Variants in XIRP2 observed in about 807,000 individuals in gnomAD.
The protein encoded by XIRP2 is xin actin-binding repeat-containing protein 2.
In XIRP2, 236 loss-of-function variants were observed where a neutral mutation model predicts 277.0. The ratio of observed to expected loss-of-function variants is 0.85; its 90% CI spans 0.77 to 0.95. The LOEUF (loss-of-function observed/expected upper bound fraction) is 0.95, where lower values mean the gene tolerates loss of function less well. Ranked by LOEUF, XIRP2 falls within the 40% of genes least tolerant of loss-of-function variation. The pLI, the probability that XIRP2 is intolerant of heterozygous loss-of-function variation, is 0.00. For missense variants in XIRP2, 4,640 were observed against 4,157.5 expected, an observed-to-expected ratio of 1.12 and a Z score of -3.19; for synonymous variants, 1,490 against 1,416.5, an observed-to-expected ratio of 1.05 and a Z score of -1.17.
intron 5 of XIRP2, among the ~76,000 whole-genome samples, chr2:167,227,056 T>G (rs552566959): frequency 2.8e-4 from 42 of 152,234 alleles, no homozygotes; most frequent in African/African-American, 9.4e-4. Context: ...TGTACAGCAA[T>G]GACTATGACA....
intron 2 of XIRP2, among the ~76,000 whole-genome samples, chr2:167,034,841 A>G (rs1313971127): frequency 1.3e-5 from 2 of 152,292 alleles, no homozygotes; most frequent in Admixed American, 1.3e-4. Context: ...CTGTGTCCCC[A>G]CCCAAATCTC....
intron 2 of XIRP2, among the ~76,000 whole-genome samples, chr2:167,058,030 T>C (rs77708103): frequency 0.013 from 903 of 69,988 alleles, 5 homozygotes; most frequent in Middle Eastern, 0.042. Context: ...AATTATTTTA[T>C]TTTATTTTAT....
At chr2:166,940,233 C>T (rs77880595) in intron 2 of XIRP2, among the ~76,000 whole-genome samples, 2 of 152,274 alleles carry the variant, frequency 1.3e-5, no homozygotes, top group African/African-American at 2.4e-5. Context: ...TCCAGTTGAT[C>T]GAATCAGCTA....
At chr2:167,112,615 CTCTA>C in intron 2 of XIRP2, among the ~76,000 whole-genome samples, 1 of 147,888 alleles carries the variant, frequency 6.8e-6, no homozygotes, top group South Asian at 2.1e-4. Flanking sequence ...AAATCTCTCT[CTCTA>C]TATATTTTTA....
intron 5 of XIRP2, among the ~76,000 whole-genome samples, chr2:167,236,131 GT>G (rs1307997651): frequency 1.3e-5 from 2 of 151,486 alleles, no homozygotes; most frequent in Non-Finnish European, 3.0e-5. Flanking sequence ...ATGAACTTCC[GT>G]TTTTTCCACT....
intron 2 of XIRP2, among the ~76,000 whole-genome samples, chr2:167,036,959 C>T (rs1036644484): frequency 1.3e-5 from 2 of 152,152 alleles, no homozygotes; most frequent in African/African-American, 2.4e-5. Context: ...GTAAGAAGTG[C>T]CTTTCACCCT....
chr2:167,148,390 AAAG>A (rs1346954033), intron 3 of XIRP2, among the ~76,000 whole-genome samples: 1 of 146,232 alleles, frequency 6.8e-6, no homozygotes, highest in African/African-American at 2.5e-5. Context: ...AGAAAGAAGA[AAAG>A]AAAGAAAGAA....
intron 3 of XIRP2, among the ~76,000 whole-genome samples, chr2:167,174,008 C>A (rs929130184): frequency 2.0e-5 from 3 of 152,092 alleles, no homozygotes; most frequent in Non-Finnish European, 4.4e-5. Context: ...CTGCTGGATT[C>A]GGTTTGCCAG....
intron 2 of XIRP2, among the ~76,000 whole-genome samples, chr2:166,951,620 A>T (rs1397724696): frequency 1.3e-5 from 2 of 152,012 alleles, no homozygotes; most frequent in Non-Finnish European, 2.9e-5. Context: ...TCATGCATTG[A>T]ATATTTTTTT....
chr2:167,154,426 G>T (rs1359178222), intron 3 of XIRP2, among the ~76,000 whole-genome samples: 4 of 150,832 alleles, frequency 2.7e-5, no homozygotes, highest in Middle Eastern at 3.4e-3. Context: ...GATCCCATTT[G>T]TCAATTTTGT....
chr2:167,085,124 G>A (rs1414822344), intron 2 of XIRP2, among the ~76,000 whole-genome samples: 1 of 149,220 alleles, frequency 6.7e-6, no homozygotes, highest in Non-Finnish European at 1.5e-5. Context: ...ATGTGTCCCA[G>A]AGATTCTGGT....
rs567888010 is a variant in XIRP2 at position 167,244,749 on chromosome 2, T to A, written c.3357T>A (p.Ile1119=). The change falls in exon 9 of 11, where the codon ATT becomes ATA. Residue 1119 remains isoleucine (I), a synonymous_variant. Coordinates refer to ENST00000409195, the MANE Select transcript of XIRP2 (RefSeq NM_152381.6). ...KVSLMTSSEE[I]HKGDVKTCTW... The stretch of plus-strand genomic sequence containing the variant: ...CGTTAATGACCAGCAGTGAAGAAAT[T>A]CATAAGGGAGATGTCAAAACTTGTA... 6.2e-7 allele frequency: 1 copy of A among 1,613,196 alleles called. No individual in the cohort carries two copies. The highest frequency in any genetic ancestry group is 1.1e-5 in the South Asian group (1 of 90,894).
intron 2 of XIRP2, among the ~76,000 whole-genome samples, chr2:167,017,362 C>T (rs1347078377): frequency 1.3e-5 from 2 of 151,892 alleles, no homozygotes; most frequent in African/African-American, 4.8e-5. Flanking sequence ...CCAAGAAGGT[C>T]CAAGTAGATC....
chr2:166,958,397 G>A (rs949545536), intron 2 of XIRP2, among the ~76,000 whole-genome samples: 9 of 151,750 alleles, frequency 5.9e-5, no homozygotes, highest in African/African-American at 1.7e-4. Context: ...TTTGTGAAGG[G>A]CATTTAGGGC....
chr2:166,924,965 A>G (rs1685144749), intron 2 of XIRP2, among the ~76,000 whole-genome samples: 1 of 152,086 alleles, frequency 6.6e-6, no homozygotes. Context: ...CCTTTTTATT[A>G]TTAAGAATTG....
At chr2:167,193,264 A>T (rs1478376260) in intron 3 of XIRP2, among the ~76,000 whole-genome samples, 1 of 152,156 alleles carries the variant, frequency 6.6e-6, no homozygotes, top group Admixed American at 6.6e-5. Flanking sequence ...CTCAAACTTC[A>T]ATTTGCACCT....
intron 3 of XIRP2, among the ~76,000 whole-genome samples, chr2:167,199,688 C>A (rs535340182): frequency 2.6e-5 from 4 of 152,294 alleles, no homozygotes; most frequent in Admixed American, 2.0e-4. Context: ...TAATCATAGA[C>A]TGAGCCTGCC....
intron 3 of XIRP2, among the ~76,000 whole-genome samples, chr2:167,206,544 C>T (rs554989035): frequency 1.2e-4 from 19 of 152,294 alleles, no homozygotes; most frequent in Admixed American, 9.2e-4. Flanking sequence ...AAAAATCAGA[C>T]GTGGCTCATA....
At chr2:167,227,418 A>G (rs1694635857) in intron 5 of XIRP2, among the ~76,000 whole-genome samples, 1 of 152,146 alleles carries the variant, frequency 6.6e-6, no homozygotes, top group African/African-American at 2.4e-5. Flanking sequence ...AATATTAAAA[A>G]TAAACTAGCC....
Sources: allele counts gnomAD v4.1 joint callset (sites outside exome capture counted in the v4.1 genomes callset), GRCh38; gene constraint gnomAD v4.1.1; transcripts MANE v1.5; gene names NCBI Gene and HGNC (gene_info 2026-07-23, HGNC 2026-07-21).